The following KIAA1328 variants were observed in gnomAD, a reference collection of about 807,000 sequenced individuals.
KIAA1328 encodes the protein KIAA1328, also known as protein hinderin.
Under a neutral mutation model 68.1 loss-of-function variants are expected in KIAA1328, and 52 were observed. That is an observed-to-expected ratio of 0.76 (90% CI 0.61 to 0.96). The LOEUF is 0.96. Ranked by LOEUF, KIAA1328 falls within the 40% of genes least tolerant of loss-of-function variation. KIAA1328 has a pLI of 0.00. For missense variants in KIAA1328, 641 were observed against 677.6 expected (o/e 0.95, Z 0.60); for synonymous variants, 232 against 239.4 (o/e 0.97, Z 0.28).
intron 5 of KIAA1328, among the ~76,000 whole-genome samples, chr18:36,926,582 C>A (rs964610789): frequency 1.3e-5 from 2 of 152,078 alleles, no homozygotes; most frequent in Non-Finnish European, 2.9e-5. Context: ...CATACTCTAC[C>A]CTTCAGGTGA....
At chr18:37,134,034 G>C (rs928505511) in intron 7 of KIAA1328, among the ~76,000 whole-genome samples, 1 of 149,324 alleles carries the variant, frequency 6.7e-6, no homozygotes, top group African/African-American at 2.5e-5. Flanking sequence ...TTTTTTTTGA[G>C]ATGGAGTCTT....
intron 5 of KIAA1328, among the ~76,000 whole-genome samples, chr18:36,938,756 T>C (rs960977557): frequency 6.6e-6 from 1 of 152,220 alleles, no homozygotes; most frequent in Non-Finnish European, 1.5e-5. Context: ...ATTTGATCTT[T>C]GTATATGGTG....
intron 6 of KIAA1328, among the ~76,000 whole-genome samples, chr18:37,063,360 C>T (rs1356400397): frequency 1.3e-5 from 2 of 152,132 alleles, no homozygotes; most frequent in Admixed American, 6.5e-5. Context: ...AGGATAAGAC[C>T]TTCTTTTAAA....
intron 5 of KIAA1328, among the ~76,000 whole-genome samples, chr18:36,914,323 G>T (rs1473311768): frequency 6.6e-6 from 1 of 152,150 alleles, no homozygotes; most frequent in African/African-American, 2.4e-5. Context: ...GGGAGAAGAG[G>T]ATTAGGTATT....
chr18:37,037,074 T>A (rs1232808283), intron 6 of KIAA1328, among the ~76,000 whole-genome samples: 1 of 152,214 alleles, frequency 6.6e-6, no homozygotes, highest in Non-Finnish European at 1.5e-5. Context: ...GTATTTTCTG[T>A]TGTCTTTAGT....
At chr18:37,061,141 C>T (rs991588282) in intron 6 of KIAA1328, among the ~76,000 whole-genome samples, 9 of 151,936 alleles carry the variant, frequency 5.9e-5, no homozygotes, top group East Asian at 1.9e-4. Flanking sequence ...AAAAATACTA[C>T]GCAGTGATAA....
intron 8 of KIAA1328, among the ~76,000 whole-genome samples, chr18:37,164,905 A>C (rs181791533): frequency 6.6e-5 from 10 of 152,098 alleles, no homozygotes; most frequent in Non-Finnish European, 1.3e-4. Context: ...AATTATGTAC[A>C]CCCGTGTAAC....
rs1217713071 is a variant in KIAA1328 at position 37,178,672 on chromosome 18, A to G, written c.1523+5591A>G. Among the ~76,000 whole-genome samples, 7 of 152,074 alleles carry G rather than the reference A, an allele frequency of 4.6e-5. No individual in the cohort carries two copies. The East Asian group carries it at 1.4e-3, about 29-fold the overall frequency. ...AGGAGCATCCATACTATTTTTCATA[A>G]TGGCTGTACTAATTTACATTCCGAC... On this transcript the variant is annotated intron_variant, in intron 9 of 9. Transcript: ENST00000280020.
At chr18:37,190,474 A>G (rs1379878179) in intron 9 of KIAA1328, among the ~76,000 whole-genome samples, 2 of 152,196 alleles carry the variant, frequency 1.3e-5, no homozygotes, top group African/African-American at 4.8e-5. Context: ...CTTTCTGGTT[A>G]GGAGTAATGC....
chr18:37,225,246 C>T lies in KIAA1328; in HGVS notation c.*3019C>T, dbSNP rs1029568117. ...CTCCTTCCAACTCACGATTTATCCT[C>T]AGCTCAGAGTGTATTTTGAATATGA... On this transcript the variant is annotated 3_prime_UTR_variant, in exon 10 of 10. Coordinates refer to ENST00000280020, the MANE Select transcript of KIAA1328 (RefSeq NM_020776.3). 6.1e-6 allele frequency: 6 copies of T among 985,304 alleles called. No homozygotes were observed. The highest frequency in any genetic ancestry group is 7.2e-6 in the Non-Finnish European group (6 of 829,906). The allele number at this position is 985,304 out of a possible 1,614,324, so 61.0% of individuals were successfully genotyped here.
chr18:36,868,194 G>A (rs1337610450), intron 4 of KIAA1328, among the ~76,000 whole-genome samples: 2 of 152,178 alleles, frequency 1.3e-5, no homozygotes, highest in Non-Finnish European at 2.9e-5. Flanking sequence ...TATTTAGCTT[G>A]TAGAAGAGAG....
At chr18:36,942,301 G>T (rs577150940) in intron 5 of KIAA1328, among the ~76,000 whole-genome samples, 15 of 152,330 alleles carry the variant, frequency 9.8e-5, no homozygotes, top group Admixed American at 7.2e-4. Flanking sequence ...TTCACGTTAT[G>T]CTCAAATTGC....
In KIAA1328 at chr18:37,161,237, T is replaced by C. The variant is rs2059272357; in HGVS notation, c.1414+856T>C. On this transcript the variant is annotated intron_variant, in intron 8 of 9. Transcript: ENST00000280020. The stretch of plus-strand genomic sequence containing the variant: ...GTGTCATGCAACCTACTTTTCATAA[T>C]CTCTGTAGCCACTCTCACATTTATT... 2.6e-5 allele frequency among the ~76,000 whole-genome samples: 4 copies of C among 152,286 alleles called. No homozygotes were observed. The South Asian group carries it at 6.2e-4, about 24-fold the overall frequency.
chr18:36,998,347 T>C (rs1444997226), intron 6 of KIAA1328, among the ~76,000 whole-genome samples: 1 of 152,136 alleles, frequency 6.6e-6, no homozygotes, highest in Non-Finnish European at 1.5e-5. Context: ...CCACCAACAT[T>C]GATGCACACC....
At chr18:37,128,569 T>TA (rs539124881) in intron 7 of KIAA1328, among the ~76,000 whole-genome samples, 45 of 152,332 alleles carry the variant, frequency 3.0e-4, no homozygotes, top group African/African-American at 9.9e-4. Context: ...TGCAAAATGA[T>TA]ACAGCCACTT....
At position 37,137,360 on chromosome 18, in the gene KIAA1328, CA is replaced by C. The variant is rs143757760; in HGVS notation, c.1233-22833del. Among the ~76,000 whole-genome samples the C allele has an allele frequency of 1.1e-3, 164 of 152,088 alleles. 2 individuals carry two copies. The highest frequency in any genetic ancestry group is 3.7e-3 in the African/African-American group (153 of 41,500). On this transcript the variant is annotated intron_variant, in intron 7 of 9. Transcript: ENST00000280020. ...AAGGATCCTTCTCCTTAAAACAAAA[CA>C]AAAAAACCCTCATTTTTGCCTTGCT...
intron 6 of KIAA1328, among the ~76,000 whole-genome samples, chr18:37,037,048 A>C (rs1302850318): frequency 1.3e-5 from 2 of 152,200 alleles, no homozygotes; most frequent in African/African-American, 4.8e-5. Context: ...CATCTGGCCC[A>C]GTATTTGAAG....
At chr18:36,976,373 A>G (rs2052472072) in intron 6 of KIAA1328, among the ~76,000 whole-genome samples, 1 of 152,174 alleles carries the variant, frequency 6.6e-6, no homozygotes. Context: ...TTGGTGATAT[A>G]TTACATATGT....
At chr18:37,170,455 T>C (rs534906915) in intron 8 of KIAA1328, among the ~76,000 whole-genome samples, 212 of 152,326 alleles carry the variant, frequency 1.4e-3, no homozygotes, top group Non-Finnish European at 2.6e-3. Context: ...ATTAGCAGGG[T>C]ACAAGGACAT....
Sources: gnomAD v4.1 joint callset for allele counts (sites outside exome capture counted in the v4.1 genomes callset) on GRCh38, gnomAD v4.1.1 for gene constraint, MANE v1.5 for transcripts, NCBI Gene and HGNC (gene_info 2026-07-23, HGNC 2026-07-21) for gene names.